SLC14A2: variants seen among roughly 807,000 people sequenced by gnomAD.
SLC14A2 encodes the protein urea transporter 2.
A neutral mutation model predicts 104.6 loss-of-function variants in SLC14A2; 91 were observed. That is an observed-to-expected ratio of 0.87 (90% CI 0.73 to 1.04). SLC14A2 has a LOEUF of 1.04. Ranked by LOEUF, SLC14A2 falls within the 50% of genes least tolerant of loss-of-function variation. The pLI is 0.00. For synonymous variants in SLC14A2, 476 were observed against 466.4 expected (o/e 1.02, Z -0.27); for missense variants, 1,189 against 1,156.0 (o/e 1.03, Z -0.41).
intron 1 of SLC14A2, among the ~76,000 whole-genome samples, chr18:45,423,362 G>A (rs922624814): frequency 3.3e-5 from 5 of 152,330 alleles, no homozygotes; most frequent in East Asian, 3.9e-4. Context: ...GTTTGACAGC[G>A]AGTTCATAGT....
At chr18:45,638,493 T>A (rs2045462341) in intron 6 of SLC14A2, among the ~76,000 whole-genome samples, 1 of 152,146 alleles carries the variant, frequency 6.6e-6, no homozygotes, top group African/African-American at 2.4e-5. Flanking sequence ...TACAGCAACG[T>A]CTACAGTAGA....
Position 45,639,888 on chromosome 18 carries a change from T to A in SLC14A2, c.986T>A (p.Leu329Gln). Residue 329 changes from leucine (L) to glutamine (Q), a missense_variant, in exon 7 of 20, where the codon CTA becomes CAA. Leu to Gln is a moderately radical substitution (Grantham distance 113). Transcript: ENST00000255226. ...HAAIGSIVGL[L>Q]AALSVATPFE... ...GCCATTGGCTCAATCGTGGGGCTGC[T>A]AGCAGGTAGGACAGAGCTCCCTCTC... is the stretch of plus-strand genomic sequence containing the variant. 6.2e-7 allele frequency: 1 copy of A among 1,613,076 alleles called. No individual in the cohort carries two copies. Among genetic ancestry groups the A allele is most frequent in the Non-Finnish European group, 8.5e-7 (1 of 1,179,818 alleles).
intron 11 of SLC14A2, among the ~76,000 whole-genome samples, chr18:45,664,734 G>C (rs1159988443): frequency 2.0e-5 from 3 of 152,192 alleles, no homozygotes; most frequent in Non-Finnish European, 4.4e-5. Context: ...AGTTAGCCCA[G>C]AGAAATGGAC....
At chr18:45,175,138 T>C in the SLC14A2 span, among the ~76,000 whole-genome samples, 2 of 152,180 alleles carry the variant, frequency 1.3e-5, no homozygotes, top group Admixed American at 6.6e-5. Context: ...CCCACAGATA[T>C]ACTTGCACAG....
intron 5 of SLC14A2, 39 bp downstream of exon 5, chr18:45,632,517 G>T (rs748043584): frequency 6.2e-7 from 1 of 1,606,058 alleles, no homozygotes; most frequent in Non-Finnish European, 8.5e-7. Flanking sequence ...GCTCCATGGG[G>T]CCCCCAAGAC....
intron 1 of SLC14A2, among the ~76,000 whole-genome samples, chr18:45,410,771 T>G (rs932860538): frequency 6.6e-6 from 1 of 152,330 alleles, no homozygotes; most frequent in East Asian, 1.9e-4. Context: ...GATGTGCACA[T>G]TTCCAGCTGA....
At chr18:45,294,376 T>C (rs2084900276) in intron 1 of SLC14A2, among the ~76,000 whole-genome samples, 1 of 152,188 alleles carries the variant, frequency 6.6e-6, no homozygotes, top group African/African-American at 2.4e-5. Context: ...TTATATATCC[T>C]TTGTCAATTT....
chr18:45,421,050 T>C (rs1276966936), intron 1 of SLC14A2, among the ~76,000 whole-genome samples: 1 of 152,132 alleles, frequency 6.6e-6, no homozygotes, highest in African/African-American at 2.4e-5. Flanking sequence ...GATTTTTTCT[T>C]AAATAAACTT....
chr18:45,463,636 C>T (rs189944303), intron 1 of SLC14A2, among the ~76,000 whole-genome samples: 33 of 152,264 alleles, frequency 2.2e-4, no homozygotes, highest in Admixed American at 1.5e-3. Flanking sequence ...TGCATGCTTC[C>T]GTTTCTGGCT....
At chr18:45,367,798 G>A (rs1473387236) in intron 1 of SLC14A2, among the ~76,000 whole-genome samples, 2 of 152,096 alleles carry the variant, frequency 1.3e-5, no homozygotes, top group Non-Finnish European at 2.9e-5. Flanking sequence ...CCTTCCCAGG[G>A]CTCTGTTTAC....
the SLC14A2 span, among the ~76,000 whole-genome samples, chr18:45,185,804 CAATT>C: frequency 6.6e-6 from 1 of 152,160 alleles, no homozygotes; most frequent in South Asian, 2.1e-4. Context: ...TCAGGATTAA[CAATT>C]AATATACAAA....
Position 45,381,418 on chromosome 18 carries a change from G to A in SLC14A2, c.-124-101815G>A, listed in dbSNP as rs561765756. Among the ~76,000 whole-genome samples the A allele has an allele frequency of 5.3e-5, 8 of 152,268 alleles. No homozygotes were observed. The South Asian group carries it at 1.7e-3, about 32-fold the overall frequency. On this transcript the variant is annotated intron_variant, in intron 1 of 20. Coordinates refer to the SLC14A2 transcript ENST00000586448. ...AGGATCAGAGAAGGGACGACCTCTT[G>A]AACTTATTTTCTGTGGTCTTTTCAC... is the stretch of plus-strand genomic sequence containing the variant.
chr18:45,297,902 T>G (rs1340297289), intron 1 of SLC14A2, among the ~76,000 whole-genome samples: 1 of 152,178 alleles, frequency 6.6e-6, no homozygotes, highest in Non-Finnish European at 1.5e-5. Flanking sequence ...GGAGAGACTT[T>G]ACAATCCTAT....
chr18:45,607,729 T>C (rs375428094), intron 2 of SLC14A2, among the ~76,000 whole-genome samples: 7 of 152,356 alleles, frequency 4.6e-5, no homozygotes, highest in African/African-American at 1.4e-4. Context: ...TGGGTTTTTC[T>C]GGCTGAGGCT....
chr18:45,667,712 C>A, intron 13 of SLC14A2, 121 bp from the exon 14 acceptor site: 1 of 727,470 alleles, frequency 1.4e-6, no homozygotes, highest in Non-Finnish European at 2.4e-6. Flanking sequence ...CAGGTGACAG[C>A]AGGTGGCTGG....
At chr18:45,298,355 G>C (rs2084936437) in intron 1 of SLC14A2, among the ~76,000 whole-genome samples, 1 of 152,308 alleles carries the variant, frequency 6.6e-6, no homozygotes, top group African/African-American at 2.4e-5. Context: ...TGGTTTGCTT[G>C]CTTGTTTCCC....
At chr18:45,609,548 A>T (rs1371188672) in intron 2 of SLC14A2, among the ~76,000 whole-genome samples, 1 of 151,928 alleles carries the variant, frequency 6.6e-6, no homozygotes, top group Non-Finnish European at 1.5e-5. Flanking sequence ...TTATACCAAG[A>T]CTCCATGAGG....
chr18:45,256,073 G>A (rs956324686), intron 1 of SLC14A2, among the ~76,000 whole-genome samples: 17 of 152,194 alleles, frequency 1.1e-4, no homozygotes, highest in Non-Finnish European at 2.2e-4. Flanking sequence ...GGGACTCAGC[G>A]TTCTGGAGGT....
chr18:45,345,408 CTGA>C (rs1274433781), intron 1 of SLC14A2, among the ~76,000 whole-genome samples: 2 of 152,156 alleles, frequency 1.3e-5, no homozygotes, highest in African/African-American at 4.8e-5. Flanking sequence ...CTTCAGATAT[CTGA>C]TGGACAGGTG....
Sources: allele counts gnomAD v4.1 joint callset (sites outside exome capture counted in the v4.1 genomes callset), GRCh38; gene constraint gnomAD v4.1.1; transcripts MANE v1.5; gene names NCBI Gene and HGNC (gene_info 2026-07-23, HGNC 2026-07-21).